The following TMEM44 variants were observed in gnomAD, a reference collection of about 807,000 sequenced individuals.
TMEM44 encodes the protein transmembrane protein 44.
TMEM44 carries 43 observed loss-of-function variants against 47.8 expected under a neutral mutation model. That is an observed-to-expected ratio of 0.90 (90% CI 0.70 to 1.16). TMEM44 has a LOEUF of 1.16. Among genes scored for constraint, TMEM44 ranks in the 50% most tolerant of loss-of-function variants. The probability of loss-of-function intolerance (pLI) is 0.00; values close to 1 mark genes in which losing one functional copy is unlikely to be tolerated. For missense variants in TMEM44, 568 were observed against 555.2 expected, an observed-to-expected ratio of 1.02 and a Z score of -0.23; for synonymous variants, 277 against 238.8, an observed-to-expected ratio of 1.16 and a Z score of -1.48.
intron 8 of TMEM44, among the ~76,000 whole-genome samples, chr3:194,607,024 G>T (rs1714857940): frequency 6.6e-6 from 1 of 151,822 alleles, no homozygotes; most frequent in Non-Finnish European, 1.5e-5. Flanking sequence ...GTATCTCTCT[G>T]CTATGGTTTG....
chr3:194,603,443 G>C (rs1038850593), intron 9 of TMEM44, among the ~76,000 whole-genome samples: 1 of 152,224 alleles, frequency 6.6e-6, no homozygotes, highest in African/African-American at 2.4e-5. Context: ...TGTTGGCTAA[G>C]CTGGAGTGCA....
intron 8 of TMEM44, among the ~76,000 whole-genome samples, chr3:194,604,782 T>C (rs1255304181): frequency 6.6e-6 from 1 of 152,232 alleles, no homozygotes; most frequent in Non-Finnish European, 1.5e-5. Flanking sequence ...TATCAGAAGA[T>C]TTGGGAGGTT....
chr3:194,603,828 AGG>A lies in TMEM44; in HGVS notation c.1176+457_1176+458del, dbSNP rs1714439007. Among the ~76,000 whole-genome samples, 2 of 151,964 alleles carry A rather than the reference AGG, an allele frequency of 1.3e-5. 1 individual carries two copies. The highest frequency in any genetic ancestry group is 4.1e-4 in the South Asian group (2 of 4,824). On this transcript the variant is annotated intron_variant, in intron 9 of 9. Transcript: ENST00000347147. ...AAACCTCTTGTTGGTACTGACACACAGGGTAGGGGCCCCACGGAAGTTCATTT... is the reference window on the plus strand; with the variant it reads ...AAACCTCTTGTTGGTACTGACACACAGTAGGGGCCCCACGGAAGTTCATTT...
intron 9 of TMEM44, among the ~76,000 whole-genome samples, chr3:194,591,291 G>C (rs1333111111): frequency 6.8e-6 from 1 of 146,486 alleles, no homozygotes; most frequent in East Asian, 2.1e-4. Context: ...TCAGGAGTTC[G>C]AGACCAGCCT....
chr3:194,620,599 G>C (rs1056654710), intron 5 of TMEM44, among the ~76,000 whole-genome samples: 39 of 152,184 alleles, frequency 2.6e-4, no homozygotes, highest in African/African-American at 8.4e-4. Flanking sequence ...GAAAATAAAG[G>C]GGCACATTTC....
intron 9 of TMEM44, among the ~76,000 whole-genome samples, chr3:194,602,408 C>A (rs1714241761): frequency 6.6e-6 from 1 of 152,138 alleles, no homozygotes; most frequent in South Asian, 2.1e-4. Context: ...TCAAGACCAG[C>A]CTGGCCAACA....
intron 1 of TMEM44, 70 bp from the exon 2 acceptor site, chr3:194,628,579 G>C: frequency 6.6e-7 from 1 of 1,503,884 alleles, no homozygotes; most frequent in Non-Finnish European, 8.9e-7. Flanking sequence ...TATCTAAAAA[G>C]GGCAACTGTG....
chr3:194,605,925 T>C (rs1338077792), intron 8 of TMEM44, among the ~76,000 whole-genome samples: 1 of 151,992 alleles, frequency 6.6e-6, no homozygotes, highest in Non-Finnish European at 1.5e-5. Flanking sequence ...CAAGCTCCTG[T>C]CAGAGTCAGG....
intron 9 of TMEM44, among the ~76,000 whole-genome samples, chr3:194,602,526 C>T (rs111548792): frequency 0.089 from 13,554 of 151,576 alleles, 1,212 homozygotes; most frequent in African/African-American, 0.23. Context: ...CTCTTGAACC[C>T]GGGAGGCGGA....
At chr3:194,590,227 T>C (rs1041798266) in intron 9 of TMEM44, 17 of 152,316 alleles carry the variant, frequency 1.1e-4, no homozygotes, top group African/African-American at 3.6e-4. Context: ...TGGACAGAAA[T>C]AAAGAGCCCA....
At position 194,627,023 on chromosome 3, in the gene TMEM44, G is replaced by C. The variant is rs58775871; in HGVS notation, c.265-1033C>G. On this transcript the variant is annotated intron_variant, in intron 2 of 9. Coordinates refer to ENST00000347147, the MANE Select transcript of TMEM44 (RefSeq NM_001011655.3). ...TGCAACCTCCGCCTCCCAGGTTCAA[G>C]TGATTCTCCTGCCTCAGCCCGCTGA... Among the ~76,000 whole-genome samples, 235 of 151,468 alleles carry C rather than the reference G, an allele frequency of 1.6e-3. 3 individuals are homozygous for C. The East Asian group carries it at 0.038, about 24-fold the overall frequency.
rs1307820192 is a variant in TMEM44 at position 194,623,304 on chromosome 3, T to C, written c.532A>G (p.Thr178Ala). The C allele has an allele frequency of 1.2e-6, 2 of 1,606,426 alleles. No homozygotes were observed. Among genetic ancestry groups the C allele is most frequent in the Non-Finnish European group, 1.7e-6 (2 of 1,176,322 alleles). ...RLLASLLQEN[T>A]EILGYLLGSV... ...CCCAGCAGGTAGCCGAGGATCTCAG[T>C]ATTTTCCTGCAAGAACGAACAGGTG... Residue 178 changes from threonine to alanine, a missense_variant, in exon 5 of 10, where the codon ACT becomes GCT. Physicochemically the swap from Thr to Ala is moderately conservative, Grantham distance 58. Transcript: ENST00000347147.
intron 9 of TMEM44, chr3:194,589,384 G>A (rs1712300585): frequency 6.6e-6 from 1 of 152,314 alleles, no homozygotes; most frequent in Non-Finnish European, 1.5e-5. Context: ...GCTCTCACCT[G>A]CCTTTCTCTT....
At chr3:194,631,748 G>A (rs879462685) in intron 1 of TMEM44, among the ~76,000 whole-genome samples, 3 of 152,122 alleles carry the variant, frequency 2.0e-5, no homozygotes, top group African/African-American at 4.8e-5. Context: ...TTGGGGCCAG[G>A]GTGCCAGCTG....
chr3:194,628,229 G>T (rs892663107), intron 2 of TMEM44, among the ~76,000 whole-genome samples, 154 bp downstream of exon 2: 2 of 152,234 alleles, frequency 1.3e-5, no homozygotes, highest in Non-Finnish European at 2.9e-5. Context: ...CCTCTGAGGG[G>T]GGCAGAAGGA....
At chr3:194,593,145 CA>C (rs1712976424) in intron 9 of TMEM44, 2 of 1,511,626 alleles carry the variant, frequency 1.3e-6, no homozygotes, top group East Asian at 4.5e-5. Flanking sequence ...GAGCAGAGCT[CA>C]GGACCAGCTC....
At chr3:194,604,003 G>A (rs1415775108) in intron 9 of TMEM44, among the ~76,000 whole-genome samples, 4 of 151,746 alleles carry the variant, frequency 2.6e-5, no homozygotes, top group South Asian at 2.1e-4. Context: ...ACAGGTGGCC[G>A]CCACTACACC....
chr3:194,622,345 C>G (rs1181741582), intron 5 of TMEM44, among the ~76,000 whole-genome samples: 3 of 152,134 alleles, frequency 2.0e-5, no homozygotes, highest in Non-Finnish European at 4.4e-5. Context: ...GGAGCCTTCT[C>G]TCTCTTCTGA....
chr3:194,597,218 AC>A (rs1577156973), intron 9 of TMEM44: 1 of 152,190 alleles, frequency 6.6e-6, no homozygotes, highest in East Asian at 1.9e-4. Flanking sequence ...TAAAGCTTAT[AC>A]CCCGTCTCTT....
Sources: allele counts gnomAD v4.1 joint callset (sites outside exome capture counted in the v4.1 genomes callset), GRCh38; gene constraint gnomAD v4.1.1; transcripts MANE v1.5; gene names NCBI Gene and HGNC (gene_info 2026-07-23, HGNC 2026-07-21).